The following PCSK2 variants were observed in gnomAD, a reference collection of about 807,000 sequenced individuals.
PCSK2 encodes the protein proprotein convertase subtilisin/kexin type 2.
In PCSK2, 14 loss-of-function variants were observed where a neutral mutation model predicts 69.7. That is an observed-to-expected ratio of 0.20 (90% CI 0.13 to 0.31). The LOEUF (loss-of-function observed/expected upper bound fraction) is 0.31. Ranked by LOEUF, PCSK2 falls within the 10% of genes least tolerant of loss-of-function variation. The probability of loss-of-function intolerance (pLI) is 1.00; values close to 1 mark genes in which losing one functional copy is unlikely to be tolerated. For synonymous variants in PCSK2, 307 were observed against 320.7 expected (o/e 0.96, Z 0.46); for missense variants, 544 against 842.5 (o/e 0.65, Z 4.39).
intron 8 of PCSK2, among the ~76,000 whole-genome samples, chr20:17,444,093 C>T (rs973829281): frequency 6.6e-6 from 1 of 152,194 alleles, no homozygotes; most frequent in East Asian, 1.9e-4. Context: ...CTCCTAGTGA[C>T]TTCCACTGCC....
At chr20:17,461,426 T>C (rs183577689) in intron 10 of PCSK2, among the ~76,000 whole-genome samples, 1 of 152,284 alleles carries the variant, frequency 6.6e-6, no homozygotes, top group East Asian at 1.9e-4. Context: ...ACATCTCTTA[T>C]GATGAAGAGA....
intron 2 of PCSK2, among the ~76,000 whole-genome samples, chr20:17,352,878 A>G (rs2030041424): frequency 6.6e-6 from 1 of 152,232 alleles, no homozygotes. Context: ...TGCACAGCAA[A>G]AGAAACTATC....
At chr20:17,424,107 A>G (rs963936478) in intron 6 of PCSK2, among the ~76,000 whole-genome samples, 2 of 152,222 alleles carry the variant, frequency 1.3e-5, no homozygotes, top group South Asian at 4.1e-4. Context: ...GTTTCTTTTC[A>G]AATTATTTGT....
intron 2 of PCSK2, among the ~76,000 whole-genome samples, chr20:17,270,567 T>C (rs1987822361): frequency 6.6e-6 from 1 of 152,138 alleles, no homozygotes; most frequent in Admixed American, 6.6e-5. Flanking sequence ...GATGAGCATG[T>C]CCCATTTAGC....
chr20:17,414,963 A>C (rs2031966150), intron 6 of PCSK2, among the ~76,000 whole-genome samples: 1 of 152,218 alleles, frequency 6.6e-6, no homozygotes, highest in Non-Finnish European at 1.5e-5. Flanking sequence ...GATGCAGAAA[A>C]GGCCTTTGAC....
At chr20:17,402,222 A>T (rs1368903412) in intron 5 of PCSK2, among the ~76,000 whole-genome samples, 1 of 152,224 alleles carries the variant, frequency 6.6e-6, no homozygotes, top group Non-Finnish European at 1.5e-5. Flanking sequence ...AACAACTTTG[A>T]AAAAGATAAA....
At chr20:17,265,281 T>TG in intron 2 of PCSK2, among the ~76,000 whole-genome samples, 1 of 152,160 alleles carries the variant, frequency 6.6e-6, no homozygotes, top group East Asian at 1.9e-4. Context: ...CCTCACAGTC[T>TG]GGGGGCTGGG....
At chr20:17,399,994 G>C (rs1417414125) in intron 5 of PCSK2, among the ~76,000 whole-genome samples, 1 of 152,068 alleles carries the variant, frequency 6.6e-6, no homozygotes. Flanking sequence ...CATATTTGCT[G>C]GTTTAGGCCT....
chr20:17,462,663 G>A (rs1268902683), intron 10 of PCSK2, among the ~76,000 whole-genome samples: 1 of 152,182 alleles, frequency 6.6e-6, no homozygotes, highest in Non-Finnish European at 1.5e-5. Flanking sequence ...TTAGCACGAT[G>A]CCTGAATGTG....
chr20:17,391,223 C>T (rs34567175), intron 5 of PCSK2, among the ~76,000 whole-genome samples: 13,739 of 152,072 alleles, frequency 0.09, 727 homozygotes, highest in Non-Finnish European at 0.12. Context: ...CAGGAGAATC[C>T]CTTCTCATTT....
chr20:17,414,063 G>A (rs951096834), intron 6 of PCSK2, among the ~76,000 whole-genome samples: 1 of 152,072 alleles, frequency 6.6e-6, no homozygotes, highest in Non-Finnish European at 1.5e-5. Flanking sequence ...AGCACTAAAT[G>A]CCCACAAGAG....
rs2030685856 is a variant in PCSK2 at position 17,369,215 on chromosome 20, C to T, written c.506-25C>T. ...AGTGGCAGGTATTAACCTTTGGTTC[C>T]TGTGTTATTGTTGTCTTTTCACAGG... On this transcript the variant is annotated intron_variant, in intron 4 of 11. Transcript: ENST00000262545. 2.5e-6 allele frequency: 4 copies of T among 1,610,930 alleles called. No individual in the cohort carries two copies. In the East Asian group the frequency reaches 8.9e-5, roughly 36 times the overall value.
intron 2 of PCSK2, among the ~76,000 whole-genome samples, chr20:17,310,772 A>G (rs531383561): frequency 5.1e-4 from 78 of 151,616 alleles, no homozygotes; most frequent in African/African-American, 1.9e-3. Context: ...CAGGTGGATC[A>G]CGAGGTCGGG....
At chr20:17,358,249 T>G (rs1416861369) in intron 2 of PCSK2, 78 bp from the exon 3 acceptor site, 3 of 899,854 alleles carry the variant, frequency 3.3e-6, no homozygotes, top group African/African-American at 3.3e-5. Flanking sequence ...CAAATGAAAT[T>G]TGGATTCATG....
At chr20:17,458,067 G>A (rs911013063) in intron 10 of PCSK2, among the ~76,000 whole-genome samples, 4 of 152,158 alleles carry the variant, frequency 2.6e-5, no homozygotes, top group Admixed American at 2.6e-4. Flanking sequence ...CACCATTCAG[G>A]CATGCTTTGT....
At chr20:17,281,015 T>C (rs556364787) in intron 2 of PCSK2, among the ~76,000 whole-genome samples, 22 of 152,358 alleles carry the variant, frequency 1.4e-4, no homozygotes, top group African/African-American at 5.3e-4. Flanking sequence ...CCGCCATATT[T>C]GCCTTCTCCT....
chr20:17,291,590 T>A (rs977844762), intron 2 of PCSK2, among the ~76,000 whole-genome samples: 1 of 152,208 alleles, frequency 6.6e-6, no homozygotes, highest in Non-Finnish European at 1.5e-5. Flanking sequence ...AGGGTATATA[T>A]ATTTGTAATT....
chr20:17,243,736 C>T (rs540591100), intron 1 of PCSK2, among the ~76,000 whole-genome samples: 2 of 152,164 alleles, frequency 1.3e-5, no homozygotes, highest in East Asian at 1.9e-4. Context: ...CACACCACAA[C>T]GTGTGTAATG....
intron 7 of PCSK2, among the ~76,000 whole-genome samples, chr20:17,435,968 T>A (rs1209557210): frequency 6.6e-6 from 1 of 152,170 alleles, no homozygotes; most frequent in African/African-American, 2.4e-5. Flanking sequence ...CCCTGTGTCT[T>A]AGGATTGTGT....
Sources: allele counts gnomAD v4.1 joint callset (sites outside exome capture counted in the v4.1 genomes callset), GRCh38; gene constraint gnomAD v4.1.1; transcripts MANE v1.5; gene names NCBI Gene and HGNC (gene_info 2026-07-23, HGNC 2026-07-21).